GALNTL6: variants seen among roughly 807,000 people sequenced by gnomAD.
GALNTL6 encodes polypeptide N-acetylgalactosaminyltransferase like 6.
A neutral mutation model predicts 73.7 loss-of-function variants in GALNTL6; 46 were observed. That is an observed-to-expected ratio of 0.62 (90% CI 0.49 to 0.80). The LOEUF is 0.80. Among genes scored for constraint, GALNTL6 ranks in the 30% least tolerant of loss-of-function variants. The probability of loss-of-function intolerance (pLI) is 0.00; values close to 1 mark genes in which losing one functional copy is unlikely to be tolerated. For missense variants in GALNTL6, 604 were observed against 755.0 expected (o/e 0.80, Z 2.34); for synonymous variants, 259 against 263.7 (o/e 0.98, Z 0.17).
Position 172,828,323 on chromosome 4 carries a change from C to A in GALNTL6, c.923+14600C>A, listed in dbSNP as rs562268227. On this transcript the variant is annotated intron_variant, in intron 7 of 12. Transcript: ENST00000506823. Reference sequence around the variant, plus strand: ...AAAAAAAACATTGAAGTGCTCTAACCCTGACTAAACCCTCCTTATTTTGTC... The same window carrying A: ...AAAAAAAACATTGAAGTGCTCTAACACTGACTAAACCCTCCTTATTTTGTC... 9.9e-5 allele frequency among the ~76,000 whole-genome samples: 15 copies of A among 151,864 alleles called. No individual in the cohort carries two copies. In the South Asian group the frequency reaches 2.9e-3, roughly 30 times the overall value.
chr4:173,009,428 A>T, intron 11 of GALNTL6, 134 bp downstream of exon 11: 1 of 630,956 alleles, frequency 1.6e-6, no homozygotes, highest in Non-Finnish European at 2.9e-6. Context: ...CCGCTGTATC[A>T]CCAACCAGCT....
chr4:172,291,443 G>T (rs962405744), intron 3 of GALNTL6, among the ~76,000 whole-genome samples: 4 of 151,990 alleles, frequency 2.6e-5, no homozygotes, highest in African/African-American at 9.7e-5. Context: ...AATACTTAAA[G>T]ATTTTTAAAG....
chr4:172,712,258 T>A (rs1006107522), intron 5 of GALNTL6, among the ~76,000 whole-genome samples: 19 of 152,280 alleles, frequency 1.2e-4, no homozygotes, highest in African/African-American at 4.3e-4. Context: ...CTATAAGTTA[T>A]TTTCAGGAGC....
intron 2 of GALNTL6, among the ~76,000 whole-genome samples, chr4:172,110,858 T>C (rs574989291): frequency 2.0e-5 from 3 of 152,280 alleles, no homozygotes; most frequent in East Asian, 3.9e-4. Context: ...CTGTTCATTA[T>C]GAAGCAACTC....
chr4:173,016,086 C>T (rs931256267), intron 11 of GALNTL6, among the ~76,000 whole-genome samples: 1 of 152,228 alleles, frequency 6.6e-6, no homozygotes, highest in Admixed American at 6.5e-5. Context: ...CCTGCAGGTG[C>T]ACAGAAGTCA....
At chr4:172,342,209 C>A (rs549442679) in intron 4 of GALNTL6, among the ~76,000 whole-genome samples, 1 of 151,980 alleles carries the variant, frequency 6.6e-6, no homozygotes, top group South Asian at 2.1e-4. Context: ...AACGTTTGAG[C>A]TAATCAAGTA....
intron 2 of GALNTL6, among the ~76,000 whole-genome samples, chr4:171,923,930 T>C (rs144399785): frequency 1.1e-4 from 17 of 152,072 alleles, no homozygotes; most frequent in Admixed American, 4.6e-4. Context: ...ATCTAGTTTA[T>C]CCAATCACAG....
chr4:172,198,595 C>A (rs181036462), intron 2 of GALNTL6, among the ~76,000 whole-genome samples: 52 of 152,162 alleles, frequency 3.4e-4, no homozygotes, highest in African/African-American at 1.3e-3. Flanking sequence ...ACAAAAAGGT[C>A]AAACAACCTA....
intron 10 of GALNTL6, among the ~76,000 whole-genome samples, chr4:172,999,262 A>ACTC (rs1225695897): frequency 6.6e-6 from 1 of 151,858 alleles, no homozygotes; most frequent in East Asian, 1.9e-4. Flanking sequence ...TCTGAGGGCC[A>ACTC]CTCCTGCGAG....
chr4:172,127,459 A>G (rs1453242186), intron 2 of GALNTL6, among the ~76,000 whole-genome samples: 1 of 152,242 alleles, frequency 6.6e-6, no homozygotes, highest in Non-Finnish European at 1.5e-5. Flanking sequence ...TGCCAACACC[A>G]GCACAGACCA....
At chr4:171,982,328 C>G (rs535626631) in intron 2 of GALNTL6, among the ~76,000 whole-genome samples, 10 of 152,080 alleles carry the variant, frequency 6.6e-5, no homozygotes, top group Non-Finnish European at 1.2e-4. Context: ...TACGGAGTCT[C>G]GCTCTGTCAC....
intron 3 of GALNTL6, among the ~76,000 whole-genome samples, chr4:172,235,449 C>T (rs1052839773): frequency 2.6e-5 from 4 of 152,092 alleles, no homozygotes; most frequent in Non-Finnish European, 5.9e-5. Flanking sequence ...TCTGGTGATC[C>T]GCCCACCTTG....
intron 5 of GALNTL6, among the ~76,000 whole-genome samples, chr4:172,745,975 G>A (rs2110759241): frequency 6.6e-6 from 1 of 152,106 alleles, no homozygotes; most frequent in South Asian, 2.1e-4. Context: ...TATTACTGCT[G>A]CTTACCAATC....
chr4:172,410,339 A>G (rs1305516483), intron 5 of GALNTL6, among the ~76,000 whole-genome samples: 2 of 152,058 alleles, frequency 1.3e-5, no homozygotes, highest in African/African-American at 4.8e-5. Context: ...ACCAATCTCC[A>G]GAACTCTATT....
At chr4:172,245,191 G>A (rs75345589) in intron 3 of GALNTL6, among the ~76,000 whole-genome samples, 1,611 of 152,128 alleles carry the variant, frequency 0.011, 28 homozygotes, top group African/African-American at 0.037. Flanking sequence ...AGTTTAACTC[G>A]TTCCTGCATA....
At chr4:172,376,321 G>T (rs1382071579) in intron 5 of GALNTL6, among the ~76,000 whole-genome samples, 3 of 152,194 alleles carry the variant, frequency 2.0e-5, no homozygotes, top group Non-Finnish European at 4.4e-5. Context: ...GGTCAGGGTA[G>T]ATAGAATAGA....
At chr4:172,680,987 C>A (rs1054227638) in intron 5 of GALNTL6, among the ~76,000 whole-genome samples, 1 of 152,156 alleles carries the variant, frequency 6.6e-6, no homozygotes, top group Non-Finnish European at 1.5e-5. Context: ...CATGCAGGCA[C>A]AGAAAAGGAT....
At chr4:172,978,500 T>G (rs928745643) in intron 10 of GALNTL6, among the ~76,000 whole-genome samples, 1 of 152,166 alleles carries the variant, frequency 6.6e-6, no homozygotes, top group African/African-American at 2.4e-5. Context: ...AGCCACAATA[T>G]GGCAGACTGC....
chr4:172,703,087 T>A (rs1276005561), intron 5 of GALNTL6, among the ~76,000 whole-genome samples: 1 of 151,990 alleles, frequency 6.6e-6, no homozygotes, highest in Non-Finnish European at 1.5e-5. Flanking sequence ...AATACCCAAG[T>A]CAATGTAAAC....
Sources: allele counts gnomAD v4.1 joint callset (sites outside exome capture counted in the v4.1 genomes callset), GRCh38; gene constraint gnomAD v4.1.1; transcripts MANE v1.5; gene names NCBI Gene and HGNC (gene_info 2026-07-23, HGNC 2026-07-21).